The following ZNF846 variants were observed in gnomAD, a reference collection of about 807,000 sequenced individuals.
The protein encoded by ZNF846 is zinc finger protein 420 pseudogene.
Under a neutral mutation model 16.0 loss-of-function variants are expected in ZNF846, and 15 were observed. The ratio of observed to expected loss-of-function variants is 0.94; its 90% confidence interval spans 0.63 to 1.45. The LOEUF (loss-of-function observed/expected upper bound fraction) is 1.45, where lower values mean the gene tolerates loss of function less well. Ranked by LOEUF, ZNF846 falls within the 40% of genes most tolerant of loss-of-function variation. The pLI, the probability that ZNF846 is intolerant of heterozygous loss-of-function variation, is 0.00. For missense variants in ZNF846, 714 were observed against 622.3 expected (o/e 1.15, Z -1.57); for synonymous variants, 229 against 212.0 (o/e 1.08, Z -0.70).
chr19:9,753,199 T>TA (rs2045101216), downstream of ZNF846, among the ~76,000 whole-genome samples: 1 of 151,122 alleles, frequency 6.6e-6, no homozygotes, highest in East Asian at 1.9e-4. Flanking sequence ...GATGTCAACA[T>TA]ACGCAAGTTG....
At chr19:9,755,428 G>T (rs2045123324), downstream of ZNF846, 1 of 151,446 alleles carries the variant, frequency 6.6e-6, no homozygotes, top group African/African-American at 2.4e-5. Flanking sequence ...GTATCTGAAA[G>T]CTTCCCATAA....
At chr19:9,758,427 A>T (rs2045169076) in exon 6 of ZNF846, 2 of 1,612,874 alleles carry the variant, frequency 1.2e-6, no homozygotes, top group South Asian at 2.2e-5. Context: ...GTGAGATCTT[A>T]TATGTAACTT....
At chr19:9,758,370 C>T (rs756510253) in exon 6 of ZNF846, 2 of 1,612,870 alleles carry the variant, frequency 1.2e-6, no homozygotes, top group Non-Finnish European at 1.7e-6. Flanking sequence ...TGAGGAATTA[C>T]TGAAGGCTTT....
chr19:9,754,414 A>G (rs1386501132), downstream of ZNF846, among the ~76,000 whole-genome samples: 1 of 151,198 alleles, frequency 6.6e-6, no homozygotes, highest in Admixed American at 6.6e-5. Flanking sequence ...TACTACAAAA[A>G]TTAGCTGGGC....
chr19:9,777,136 AACACACAC>A (rs575407990), intron 1 of ZNF846, among the ~76,000 whole-genome samples: 1 of 149,560 alleles, frequency 6.7e-6, no homozygotes, highest in Non-Finnish European at 1.5e-5. Context: ...AACGAAAGAA[AACACACAC>A]ACACGCACAC....
downstream of ZNF846, among the ~76,000 whole-genome samples, chr19:9,749,475 ACT>A (rs2045067326): frequency 6.7e-6 from 1 of 149,958 alleles, no homozygotes. Context: ...GCCACCCTTA[ACT>A]CTCTTGCAGT....
At position 9,759,891 on chromosome 19, in the gene ZNF846, G is replaced by A. The variant is rs989925485; in HGVS notation, c.281C>T (p.Ser94Phe). The stretch of plus-strand genomic sequence containing the variant: ...TACTCCATTTGGTGATCTTTCTGCA[G>A]AAATATCTTGCAGCAGTGGGGAGCC... Residue 94 changes from serine to phenylalanine, a missense_variant, in exon 5 of 6, where the codon TCT (serine) becomes TTT (phenylalanine). By Grantham distance (155) the Ser-to-Phe change is radical. Transcript: ENST00000397902. 1.9e-6 allele frequency: 3 copies of A among 1,613,212 alleles called. 1 individual carries two copies. The highest frequency in any genetic ancestry group is 2.7e-5 in the African/African-American group (2 of 74,438).
upstream of ZNF846, among the ~76,000 whole-genome samples, chr19:9,769,160 T>C (rs985567747): frequency 7.2e-5 from 11 of 152,138 alleles, no homozygotes; most frequent in African/African-American, 1.2e-4. Context: ...TCATAGATCA[T>C]TGCAGCCTGG....
chr19:9,758,741 T>C, exon 6 of ZNF846: 1 of 1,580,820 alleles, frequency 6.3e-7, no homozygotes, highest in East Asian at 2.3e-5. Context: ...AGTCATACAG[T>C]TTCTCTGCAG....
chr19:9,757,856 T>G, exon 6 of ZNF846: 1 of 1,613,358 alleles, frequency 6.2e-7, no homozygotes, highest in Non-Finnish European at 8.5e-7. Context: ...GACTAAGCAT[T>G]GAGGAATTAT....
intron 5 of ZNF846, 22 bp downstream of exon 5, chr19:9,759,838 T>C: frequency 6.3e-7 from 1 of 1,586,112 alleles, no homozygotes; most frequent in Non-Finnish European, 8.6e-7. Flanking sequence ...GTGTGGAAGA[T>C]TTCATCCCTT....
At chr19:9,767,784 A>C (rs1350747595) in intron 1 of ZNF846, among the ~76,000 whole-genome samples, 1 of 152,104 alleles carries the variant, frequency 6.6e-6, no homozygotes, top group Non-Finnish European at 1.5e-5. Flanking sequence ...AAAATGCAAA[A>C]TTAGCCGGGC....
Position 9,783,540 on chromosome 19 carries a change from A to ATATATATATAT in ZNF846, c.-86+2397_-86+2398insATATATATATA, listed in dbSNP as rs1415322257. Among the ~76,000 whole-genome samples the ATATATATATAT allele has an allele frequency of 3.6e-3, 436 of 120,216 alleles. 4 individuals are homozygous for ATATATATATAT. Among genetic ancestry groups the ATATATATATAT allele is most frequent in the African/African-American group, 0.015 (390 of 25,418 alleles). 78.9% of individuals were successfully genotyped at this position (120,216 alleles called of 152,430 possible). On this transcript the variant is annotated intron_variant, in intron 1 of 4. Transcript: ENST00000586814. ...AGTCTCATCACTAAAAAAAAAAAAA[A>ATATATATATAT]AAAAATATATATATATATATATATA...
At chr19:9,776,629 C>T (rs1230719311) in intron 1 of ZNF846, among the ~76,000 whole-genome samples, 3 of 152,202 alleles carry the variant, frequency 2.0e-5, no homozygotes, top group South Asian at 2.1e-4. Context: ...GGGCCACTAC[C>T]GGTCTCCGTG....
chr19:9,753,992 T>C (rs1032752235), downstream of ZNF846, among the ~76,000 whole-genome samples: 3 of 151,698 alleles, frequency 2.0e-5, no homozygotes, highest in Admixed American at 6.6e-5. Context: ...AGGTCTCCAA[T>C]TGTTATGCAG....
At chr19:9,761,979 A>G in intron 4 of ZNF846, 103 bp downstream of exon 4, 1 of 875,032 alleles carries the variant, frequency 1.1e-6, no homozygotes, top group Non-Finnish European at 1.8e-6. Context: ...CTCAGGAAGA[A>G]GAGTATACCC....
upstream of ZNF846, among the ~76,000 whole-genome samples, chr19:9,772,858 C>T (rs974019030): frequency 1.3e-5 from 2 of 151,850 alleles, no homozygotes; most frequent in African/African-American, 4.8e-5. Context: ...GTTGCATTGC[C>T]CAAGCTCATG....
At chr19:9,774,463 G>C (rs1170974925) in intron 1 of ZNF846, 2 of 793,858 alleles carry the variant, frequency 2.5e-6, no homozygotes, top group Admixed American at 2.1e-5. Flanking sequence ...GCAAGACTCC[G>C]TCTCAAAAAA....
At position 9,760,188 on chromosome 19, in the gene ZNF846, G is replaced by A. The variant is rs555330085; in HGVS notation, c.230-246C>T. ...CATGCCTGTAATCCCAGCTACTCAGGAGGCTGAGGCAGGAGAATCACTTGA... is the reference window on the plus strand; with the variant it reads ...CATGCCTGTAATCCCAGCTACTCAGAAGGCTGAGGCAGGAGAATCACTTGA... On this transcript the variant is annotated intron_variant, in intron 4 of 5. Coordinates refer to ENST00000397902, the Ensembl canonical transcript of ZNF846. Among the ~76,000 whole-genome samples, 557 of 151,300 alleles carry A rather than the reference G, an allele frequency of 3.7e-3. 5 individuals are homozygous for A. The highest frequency in any genetic ancestry group is 6.8e-3 in the Non-Finnish European group (464 of 67,984).
Sources: gnomAD v4.1 joint callset for allele counts (sites outside exome capture counted in the v4.1 genomes callset) on GRCh38, gnomAD v4.1.1 for gene constraint, MANE v1.5 for transcripts, NCBI Gene and HGNC (gene_info 2026-07-23, HGNC 2026-07-21) for gene names.